Variants in SLC8A1 observed in about 807,000 individuals in gnomAD.
The protein encoded by SLC8A1 is solute carrier family 8 member A1.
In SLC8A1, 18 loss-of-function variants were observed where a neutral mutation model predicts 68.3. That is an observed-to-expected ratio of 0.26 (90% CI 0.18 to 0.39). The LOEUF is 0.39. Ranked by LOEUF, SLC8A1 falls within the 10% of genes least tolerant of loss-of-function variation. SLC8A1 has a pLI of 1.00. For synonymous variants in SLC8A1, 475 were observed against 415.5 expected (o/e 1.14, Z -1.74); for missense variants, 985 against 1,156.7 (o/e 0.85, Z 2.15).
chr2:40,344,420 T>C (rs1668632009), intron 2 of SLC8A1, among the ~76,000 whole-genome samples: 1 of 152,154 alleles, frequency 6.6e-6, no homozygotes, highest in Admixed American at 6.6e-5. Context: ...ACCCACTCAC[T>C]GTCCGTATAG....
intron 2 of SLC8A1, chr2:40,208,340 T>C (rs2055894421): frequency 6.6e-6 from 1 of 152,142 alleles, no homozygotes; most frequent in South Asian, 2.1e-4. Flanking sequence ...ATCTCAGATA[T>C]ACACATGACA....
At chr2:40,232,135 A>G (rs181890305) in intron 2 of SLC8A1, among the ~76,000 whole-genome samples, 1 of 152,170 alleles carries the variant, frequency 6.6e-6, no homozygotes, top group Non-Finnish European at 1.5e-5. Context: ...GTCAAAGCAC[A>G]AAGGATCAGG....
chr2:40,116,246 G>A (rs780515646), intron 7 of SLC8A1, among the ~76,000 whole-genome samples: 31 of 152,268 alleles, frequency 2.0e-4, no homozygotes, highest in Middle Eastern at 3.4e-3. Context: ...CATTTGCTTA[G>A]AGCCTTAAGA....
At chr2:40,378,195 T>C (rs2149536463) in intron 2 of SLC8A1, among the ~76,000 whole-genome samples, 1 of 152,212 alleles carries the variant, frequency 6.6e-6, no homozygotes, top group African/African-American at 2.4e-5. Context: ...TATTTCATAT[T>C]GATAAGTGCT....
intron 2 of SLC8A1, among the ~76,000 whole-genome samples, chr2:40,242,702 A>G (rs902244444): frequency 3.9e-5 from 6 of 152,242 alleles, no homozygotes; most frequent in Non-Finnish European, 8.8e-5. Flanking sequence ...CAAAATCCAG[A>G]GATTTTAAAA....
intron 1 of SLC8A1, among the ~76,000 whole-genome samples, chr2:40,486,504 CTCTT>C (rs1475187213): frequency 7.2e-5 from 11 of 152,110 alleles, no homozygotes; most frequent in Admixed American, 7.2e-4. Context: ...AGATATATTC[CTCTT>C]TCTAACAAAT....
At chr2:40,505,714 T>C (rs2149941443) in intron 1 of SLC8A1, among the ~76,000 whole-genome samples, 1 of 152,092 alleles carries the variant, frequency 6.6e-6, no homozygotes, top group South Asian at 2.1e-4. Context: ...AGAAGACTTA[T>C]CTGTACTTTT....
chr2:40,372,714 G>C (rs1678527616), intron 2 of SLC8A1, among the ~76,000 whole-genome samples: 1 of 152,078 alleles, frequency 6.6e-6, no homozygotes, highest in Non-Finnish European at 1.5e-5. Context: ...GACACTTCCA[G>C]ACTAAGTTTG....
chr2:40,115,847 G>A (rs1175729180), intron 7 of SLC8A1, among the ~76,000 whole-genome samples: 1 of 152,188 alleles, frequency 6.6e-6, no homozygotes, highest in Non-Finnish European at 1.5e-5. Flanking sequence ...GTAATGGACT[G>A]AGCAAGTGAT....
At chr2:40,229,236 T>C (rs2059348983) in intron 2 of SLC8A1, among the ~76,000 whole-genome samples, 1 of 152,046 alleles carries the variant, frequency 6.6e-6, no homozygotes, top group Non-Finnish European at 1.5e-5. Context: ...TTAGAGAAAC[T>C]GAATGGCTCA....
chr2:40,244,190 G>T (rs886800746), intron 2 of SLC8A1, among the ~76,000 whole-genome samples: 3 of 152,084 alleles, frequency 2.0e-5, no homozygotes, highest in Admixed American at 6.5e-5. Flanking sequence ...CTCACTAGGG[G>T]GTTAGGAAGT....
At chr2:40,299,536 T>TAAG (rs10527456) in intron 2 of SLC8A1, among the ~76,000 whole-genome samples, 74,245 of 151,668 alleles carry the variant, frequency 0.49, 20,009 homozygotes, top group East Asian at 0.72. Flanking sequence ...AAAGGAGATT[T>TAAG]AAAGTGACAA....
At chr2:40,352,057 A>T (rs547319233) in intron 2 of SLC8A1, among the ~76,000 whole-genome samples, 1 of 152,328 alleles carries the variant, frequency 6.6e-6, no homozygotes, top group East Asian at 1.9e-4. Flanking sequence ...AAGTCAATCT[A>T]GAGAATAATT....
At chr2:40,504,802 C>T (rs990627256) in intron 1 of SLC8A1, among the ~76,000 whole-genome samples, 1 of 151,638 alleles carries the variant, frequency 6.6e-6, no homozygotes, top group African/African-American at 2.4e-5. Context: ...AACAGACAGG[C>T]AATAACAAAT....
intron 1 of SLC8A1, among the ~76,000 whole-genome samples, chr2:40,486,730 T>G (rs59973309): frequency 7.2e-5 from 11 of 152,028 alleles, no homozygotes; most frequent in African/African-American, 9.7e-5. Context: ...TCTTTTTTTT[T>G]TTATTATTAT....
At position 40,238,715 on chromosome 2, in the gene SLC8A1, T is replaced by G. The variant is rs147758209; in HGVS notation, c.1809-60860A>C. Among the ~76,000 whole-genome samples the G allele has an allele frequency of 2.9e-3, 443 of 152,358 alleles. 1 individual carries two copies. Among genetic ancestry groups the G allele is most frequent in the Middle Eastern group, 0.01 (3 of 294 alleles). ...TATTCCTTAAATCTGTATAGTCTAT[T>G]GTAAAGTTAAGTATGAGTTTCTATT... On this transcript the variant is annotated intron_variant, in intron 2 of 7. Coordinates refer to ENST00000406785, the Ensembl canonical transcript of SLC8A1.
chr2:40,404,488 A>G (rs993300103), intron 2 of SLC8A1, among the ~76,000 whole-genome samples: 5 of 152,194 alleles, frequency 3.3e-5, no homozygotes, highest in African/African-American at 1.2e-4. Flanking sequence ...TGCAACAGCT[A>G]TCAAATATGT....
intron 2 of SLC8A1, among the ~76,000 whole-genome samples, chr2:40,184,116 C>T (rs1056022100): frequency 6.6e-6 from 1 of 152,132 alleles, no homozygotes; most frequent in Non-Finnish European, 1.5e-5. Flanking sequence ...GTTGAGGCTG[C>T]AGTGAGATGT....
chr2:40,308,798 C>A (rs769486818), intron 2 of SLC8A1, among the ~76,000 whole-genome samples: 7 of 152,158 alleles, frequency 4.6e-5, no homozygotes, highest in Non-Finnish European at 1.0e-4. Flanking sequence ...GAGAACGCTG[C>A]AAAGGGCAAA....
Sources: gnomAD v4.1 joint callset for allele counts (sites outside exome capture counted in the v4.1 genomes callset) on GRCh38, gnomAD v4.1.1 for gene constraint, MANE v1.5 for transcripts, NCBI Gene and HGNC (gene_info 2026-07-23, HGNC 2026-07-21) for gene names.